The following ABCA13 variants were observed in gnomAD, a reference collection of about 807,000 sequenced individuals.
ABCA13 encodes the protein ATP-binding cassette sub-family A member 13.
In ABCA13, 476 loss-of-function variants were observed where a neutral mutation model predicts 478.7. The ratio of observed to expected loss-of-function variants is 0.99; its 90% confidence interval spans 0.92 to 1.07. ABCA13 has a LOEUF of 1.07. Among genes scored for constraint, ABCA13 ranks in the 50% least tolerant of loss-of-function variants. The pLI, the probability that ABCA13 is intolerant of heterozygous loss-of-function variation, is 0.00. For synonymous variants in ABCA13, 2,252 were observed against 2,158.9 expected (o/e 1.04, Z -1.20); for missense variants, 6,060 against 5,910.6 (o/e 1.03, Z -0.83).
intron 33 of ABCA13, 127 bp from the exon 34 acceptor site, chr7:48,374,220 G>A (rs558615784): frequency 1.3e-6 from 1 of 756,822 alleles, no homozygotes; most frequent in Non-Finnish European, 2.1e-6. Context: ...ACTGCCTGAA[G>A]CGATGGTTGG....
chr7:48,559,083 A>G (rs1024973809), intron 55 of ABCA13, among the ~76,000 whole-genome samples: 1 of 152,300 alleles, frequency 6.6e-6, no homozygotes, highest in Non-Finnish European at 1.5e-5. Context: ...CAGCAGGTGG[A>G]GAAACCAGCC....
chr7:48,189,156 C>T (rs572941709), intron 1 of ABCA13, among the ~76,000 whole-genome samples: 13 of 152,264 alleles, frequency 8.5e-5, no homozygotes, highest in Admixed American at 3.3e-4. Flanking sequence ...GTTAAGAAGT[C>T]AGCAATGGAA....
rs900373851 is a variant in ABCA13, at chr7:48,376,596, A to G, written c.11335+24A>G. 3.7e-6 allele frequency: 6 copies of G among 1,608,964 alleles called. No individual in the cohort carries two copies. The Admixed American group carries it at 5.0e-5, about 14-fold the overall frequency. ...TGGTAAGAATTTTGCCTTTTGTAAG[A>G]TAACACAATAAATTTTAAAAACAGT... is the stretch of plus-strand genomic sequence containing the variant. On this transcript the variant is annotated intron_variant, in intron 35 of 61. Coordinates refer to ENST00000435803, the MANE Select transcript of ABCA13 (RefSeq NM_152701.5).
chr7:48,437,999 A>T (rs192849939), intron 42 of ABCA13, among the ~76,000 whole-genome samples: 48 of 152,134 alleles, frequency 3.2e-4, no homozygotes, highest in Non-Finnish European at 4.7e-4. Flanking sequence ...AGGCACCCAT[A>T]CGCCTGCACT....
intron 45 of ABCA13, among the ~76,000 whole-genome samples, chr7:48,479,708 A>G (rs1244236913): frequency 6.6e-6 from 1 of 152,198 alleles, no homozygotes; most frequent in Admixed American, 6.5e-5. Context: ...TGACTTTTTT[A>G]GATTCCACAA....
chr7:48,644,802 C>A (rs752737532), intron 61 of ABCA13, 48 bp downstream of exon 61: 1 of 1,510,834 alleles, frequency 6.6e-7, no homozygotes, highest in Non-Finnish European at 8.8e-7. Flanking sequence ...GTCTGTTCAT[C>A]AGACCTAATG....
Position 48,372,312 on chromosome 7 carries a change from G to A in ABCA13, c.10948G>A (p.Val3650Ile), listed in dbSNP as rs1366553865. The change falls in exon 33 of 62, where the codon GTT becomes ATT. Residue 3650 changes from valine (V) to isoleucine (I), a missense_variant. By Grantham distance (29) the Val-to-Ile change is conservative (BLOSUM62 3). This residue lies in a region of ABCA13 where 4,423 missense variants were observed against 4,309.1 expected (regional missense o/e 1.03). Coordinates refer to ENST00000435803, the MANE Select transcript of ABCA13 (RefSeq NM_152701.5). The part of the protein sequence containing the change: ...GIFAHSNTFI[V>I]FLFLLDFGMS... Reference sequence around the variant, plus strand: ...CTTTGCACACAGCAATACCTTTATTGTTTTCCTCTTTCTCTTGGATTTTGG... The same window carrying A: ...CTTTGCACACAGCAATACCTTTATTATTTTCCTCTTTCTCTTGGATTTTGG... 6 of 1,613,706 alleles carry A rather than the reference G, an allele frequency of 3.7e-6. No homozygotes were observed. Among genetic ancestry groups the A allele is most frequent in the Non-Finnish European group, 5.1e-6 (6 of 1,179,848 alleles).
chr7:48,298,415 G>A lies in ABCA13; in HGVS notation c.9249G>A (p.Glu3083=). 1 of 1,612,872 alleles carries A rather than the reference G, an allele frequency of 6.2e-7. No homozygotes were observed. The highest frequency in any genetic ancestry group is 2.2e-5 in the East Asian group (1 of 44,880). The change falls in exon 23 of 62, where the codon GAG becomes GAA. Residue 3083 remains glutamate, a synonymous_variant. Transcript: ENST00000435803. ...LMKNITKLTE[E]LRSSIQISNE... ...AGAATATCACCAAGTTGACTGAGGA[G>A]CTTCGCTCTTCCATCCAAATCTCGA...
rs766777683 is a variant in ABCA13 at position 48,240,867 on chromosome 7, G to T, written c.1063G>T (p.Val355Leu). The stretch of plus-strand genomic sequence containing the variant: ...AGTATTTTGGTTTCCGAATTTGTAG[G>T]TGTTTGTTCAGTGGCAACAGGGTAG... Reference protein sequence around the residue: ...AVSWLRVYQQVFVQWQQGSLL... With the variant: ...AVSWLRVYQQLFVQWQQGSLL... The change falls in exon 10 of 62, where the codon GTG becomes TTG. Residue 355 changes from valine to leucine, a missense_variant and splice_region_variant. By Grantham distance (32) the Val-to-Leu change is conservative (BLOSUM62 1). Transcript: ENST00000435803. 34 of 1,517,904 alleles carry T rather than the reference G, an allele frequency of 2.2e-5. No homozygotes were observed. The African/African-American group carries it at 4.6e-4, about 20-fold the overall frequency. 94.0% of individuals were successfully genotyped at this position (1,517,904 alleles called of 1,614,324 possible). A position where few individuals can be genotyped will look rare whatever the true frequency, so the allele number is the denominator to read the frequency against.
intron 29 of ABCA13, among the ~76,000 whole-genome samples, chr7:48,345,460 T>C (rs1322480532): frequency 6.6e-6 from 1 of 152,044 alleles, no homozygotes; most frequent in Non-Finnish European, 1.5e-5. Flanking sequence ...GTGATATTGA[T>C]GATAATGACC....
At position 48,272,870 on chromosome 7, in the gene ABCA13, G is replaced by A. The variant is rs1468040109; in HGVS notation, c.3204G>A (p.Leu1068=). The change falls in exon 17 of 62, where the codon CTG becomes CTA. Residue 1068 remains leucine (L), a synonymous_variant. Transcript: ENST00000435803. ...CTACTTTGACAGGCCTCAAACAGCT[G>A]CTCATAATTGATGAAGATTTTCGTA... The part of the protein sequence containing the change: ...IHTTLTGLKQ[L]LIIDEDFRIS... 4 of 1,607,124 alleles carry A rather than the reference G, an allele frequency of 2.5e-6. No homozygotes were observed. The highest frequency in any genetic ancestry group is 3.4e-6 in the Non-Finnish European group (4 of 1,175,962).
At chr7:48,458,748 A>G (rs1440247693) in intron 43 of ABCA13, among the ~76,000 whole-genome samples, 1 of 152,126 alleles carries the variant, frequency 6.6e-6, no homozygotes, top group Non-Finnish European at 1.5e-5. Context: ...TGACACCCCC[A>G]CAGCTCATAG....
intron 61 of ABCA13, 81 bp downstream of exon 61, chr7:48,644,835 A>C: frequency 7.6e-7 from 1 of 1,314,146 alleles, no homozygotes; most frequent in Non-Finnish European, 1.0e-6. Context: ...AAATTAATCG[A>C]ATTGCTTCAA....
chr7:48,329,669 C>T (rs1280730825), intron 27 of ABCA13, among the ~76,000 whole-genome samples: 1 of 151,802 alleles, frequency 6.6e-6, no homozygotes, highest in Non-Finnish European at 1.5e-5. Flanking sequence ...ATCCATCTAT[C>T]CATTTATCTA....
chr7:48,330,598 T>G (rs1288041401), intron 27 of ABCA13, among the ~76,000 whole-genome samples: 3 of 144,418 alleles, frequency 2.1e-5, no homozygotes, highest in Admixed American at 2.0e-4. Context: ...TTCATGCATC[T>G]ATTCATCCAT....
chr7:48,225,650 G>A (rs959021051), intron 5 of ABCA13, among the ~76,000 whole-genome samples: 1 of 152,040 alleles, frequency 6.6e-6, no homozygotes, highest in Non-Finnish European at 1.5e-5. Context: ...CACTTATTTT[G>A]TAGACTATCT....
At chr7:48,297,479 G>A (rs1042165192) in intron 22 of ABCA13, among the ~76,000 whole-genome samples, 168 bp downstream of exon 22, 5 of 152,182 alleles carry the variant, frequency 3.3e-5, no homozygotes, top group Non-Finnish European at 2.9e-5. Context: ...AGAAAGTCCT[G>A]AAATCCTAGG....
chr7:48,392,834 G>C (rs749130824), intron 38 of ABCA13, among the ~76,000 whole-genome samples: 6 of 152,206 alleles, frequency 3.9e-5, no homozygotes, highest in African/African-American at 1.2e-4. Flanking sequence ...TTCAAATTTA[G>C]AAGAATCAGG....
chr7:48,613,216 C>T (rs1311180682), intron 58 of ABCA13, among the ~76,000 whole-genome samples: 1 of 150,874 alleles, frequency 6.6e-6, no homozygotes, highest in African/African-American at 2.4e-5. Context: ...GAGATGGAGT[C>T]TTACTCTTCT....
Sources: gnomAD v4.1 joint callset for allele counts (sites outside exome capture counted in the v4.1 genomes callset) on GRCh38, gnomAD v4.1.1 for gene constraint, gnomAD v4.1.1 regional missense constraint, MANE v1.5 for transcripts, NCBI Gene and HGNC (gene_info 2026-07-23, HGNC 2026-07-21) for gene names.